The following ST6GALNAC3 variants were observed in gnomAD, a reference collection of about 807,000 sequenced individuals.
ST6GALNAC3 encodes ST6 N-acetylgalactosaminide alpha-2,6-sialyltransferase 3.
ST6GALNAC3 carries 25 observed loss-of-function variants against 32.7 expected under a neutral mutation model. That is an observed-to-expected ratio of 0.76 (90% confidence interval 0.56 to 1.07). ST6GALNAC3 has a LOEUF of 1.07. Among genes scored for constraint, ST6GALNAC3 ranks in the 50% least tolerant of loss-of-function variants. ST6GALNAC3 has a pLI of 0.00. For synonymous variants in ST6GALNAC3, 129 were observed against 133.1 expected, an observed-to-expected ratio of 0.97 and a Z score of 0.21; for missense variants, 355 against 382.4, an observed-to-expected ratio of 0.93 and a Z score of 0.60.
At chr1:76,221,724 T>G (rs1458468839) in intron 1 of ST6GALNAC3, among the ~76,000 whole-genome samples, 1 of 152,216 alleles carries the variant, frequency 6.6e-6, no homozygotes, top group Non-Finnish European at 1.5e-5. Context: ...TAATGAATTT[T>G]TTTCCACACT....
chr1:76,578,768 G>A (rs1459692498), intron 3 of ST6GALNAC3, among the ~76,000 whole-genome samples: 1 of 151,990 alleles, frequency 6.6e-6, no homozygotes, highest in Non-Finnish European at 1.5e-5. Context: ...TATCTGGTAT[G>A]TAAAATCTGA....
intron 3 of ST6GALNAC3, among the ~76,000 whole-genome samples, chr1:76,508,968 T>C (rs555038334): frequency 5.9e-5 from 9 of 152,316 alleles, no homozygotes; most frequent in African/African-American, 2.2e-4. Flanking sequence ...ACAATATGCA[T>C]TTAGAATAAA....
intron 1 of ST6GALNAC3, among the ~76,000 whole-genome samples, chr1:76,099,754 C>CTA (rs1290239803): frequency 6.6e-6 from 1 of 152,120 alleles, no homozygotes; most frequent in Non-Finnish European, 1.5e-5. Flanking sequence ...CACTAAACCA[C>CTA]ATCCTAAAAA....
intron 1 of ST6GALNAC3, among the ~76,000 whole-genome samples, chr1:76,273,723 C>T (rs1658982217): frequency 1.3e-5 from 2 of 152,148 alleles, no homozygotes; most frequent in South Asian, 4.1e-4. Flanking sequence ...AATATGGCAA[C>T]ATGCACTGAG....
chr1:76,084,250 G>C (rs549096668), intron 1 of ST6GALNAC3, among the ~76,000 whole-genome samples: 1 of 152,336 alleles, frequency 6.6e-6, no homozygotes, highest in South Asian at 2.1e-4. Flanking sequence ...GGCGACTGAT[G>C]AGCAAGTAAT....
At chr1:76,349,753 CCT>C (rs1273591854) in intron 2 of ST6GALNAC3, among the ~76,000 whole-genome samples, 3 of 152,158 alleles carry the variant, frequency 2.0e-5, no homozygotes, top group African/African-American at 7.2e-5. Flanking sequence ...TCTATCTGCT[CCT>C]CTCCTTCCCA....
intron 1 of ST6GALNAC3, among the ~76,000 whole-genome samples, chr1:76,263,166 C>G (rs1658340671): frequency 6.6e-6 from 1 of 151,972 alleles, no homozygotes; most frequent in Non-Finnish European, 1.5e-5. Context: ...AGTTCAAGTC[C>G]TCTGCTACTG....
At chr1:76,263,969 C>T (rs1300280240) in intron 1 of ST6GALNAC3, among the ~76,000 whole-genome samples, 1 of 152,092 alleles carries the variant, frequency 6.6e-6, no homozygotes, top group Non-Finnish European at 1.5e-5. Context: ...AATGTAACGG[C>T]TGTAATCAGG....
At chr1:76,448,168 G>C (rs1379450537) in intron 3 of ST6GALNAC3, among the ~76,000 whole-genome samples, 6 of 152,208 alleles carry the variant, frequency 3.9e-5, no homozygotes, top group Non-Finnish European at 8.8e-5. Flanking sequence ...GTAGATGTGA[G>C]ACATGGAGTC....
chr1:76,194,241 G>C (rs10493586), intron 1 of ST6GALNAC3, among the ~76,000 whole-genome samples: 14,072 of 152,132 alleles, frequency 0.092, 743 homozygotes, highest in African/African-American at 0.14. Context: ...TATACTTTCT[G>C]TTTGGAAGAA....
chr1:76,472,054 T>G (rs1343727989), intron 3 of ST6GALNAC3, among the ~76,000 whole-genome samples: 1 of 152,118 alleles, frequency 6.6e-6, no homozygotes, highest in Non-Finnish European at 1.5e-5. Context: ...TTTAAGGAGG[T>G]AAGCATTGAT....
chr1:76,486,265 T>TTCCTGAATATCCTTGTTAA (rs1553126080), intron 3 of ST6GALNAC3, among the ~76,000 whole-genome samples: 14 of 151,726 alleles, frequency 9.2e-5, no homozygotes, highest in African/African-American at 3.1e-4. Context: ...CTGAGTTCAA[T>TTCCTGAATATCCTTGTTAA]TCCTGGATAT....
intron 2 of ST6GALNAC3, among the ~76,000 whole-genome samples, chr1:76,366,574 A>G (rs1650391044): frequency 6.6e-6 from 1 of 152,234 alleles, no homozygotes; most frequent in Admixed American, 6.5e-5. Context: ...GACCGCTTCC[A>G]TATGATCATG....
At chr1:76,549,907 A>G (rs1664522064) in intron 3 of ST6GALNAC3, among the ~76,000 whole-genome samples, 1 of 152,290 alleles carries the variant, frequency 6.6e-6, no homozygotes, top group East Asian at 1.9e-4. Context: ...ACATCATTTT[A>G]TTTTGTGTTT....
intron 3 of ST6GALNAC3, among the ~76,000 whole-genome samples, chr1:76,554,314 A>G (rs1480400942): frequency 6.6e-6 from 1 of 152,218 alleles, no homozygotes; most frequent in Non-Finnish European, 1.5e-5. Flanking sequence ...CTCGGGTTAT[A>G]GTTAAGATAT....
rs779628155 is a variant in ST6GALNAC3 at position 76,313,821 on chromosome 1, C to T, written c.35C>T (p.Ala12Val). 8 of 1,613,012 alleles carry T rather than the reference C, an allele frequency of 5.0e-6. No homozygotes were observed. Residue 12 changes from alanine (A) to valine (V), a missense_variant, in exon 2 of 5, where the codon GCT becomes GTT. Transcript: ENST00000328299. ...ACILKRKSVI[A>V]VSFIAAFLFL... ...GTTTTGTAGAGAAAGTCTGTGATTG[C>T]TGTGAGCTTCATAGCAGCGTTCCTT...
chr1:76,343,490 C>A (rs1252805906), intron 2 of ST6GALNAC3, among the ~76,000 whole-genome samples: 1 of 152,136 alleles, frequency 6.6e-6, no homozygotes, highest in African/African-American at 2.4e-5. Flanking sequence ...TCTGTGGGAG[C>A]TGAGTCTGTA....
chr1:76,261,500 G>T (rs1021499211), intron 1 of ST6GALNAC3, among the ~76,000 whole-genome samples: 1 of 152,154 alleles, frequency 6.6e-6, no homozygotes, highest in Non-Finnish European at 1.5e-5. Flanking sequence ...AGCCATTCTG[G>T]TCCAAGTCCT....
intron 1 of ST6GALNAC3, among the ~76,000 whole-genome samples, chr1:76,268,791 G>A (rs149231210): frequency 3.3e-5 from 5 of 152,142 alleles, no homozygotes; most frequent in South Asian, 2.1e-4. Flanking sequence ...CCTCTACACC[G>A]CTGATGGAGT....
Sources: allele counts gnomAD v4.1 joint callset (sites outside exome capture counted in the v4.1 genomes callset), GRCh38; gene constraint gnomAD v4.1.1; transcripts MANE v1.5; gene names NCBI Gene and HGNC (gene_info 2026-07-23, HGNC 2026-07-21).